MSRA: variants seen among roughly 807,000 people sequenced by gnomAD.
MSRA encodes the protein methionine sulfoxide reductase A, also known as mitochondrial peptide methionine sulfoxide reductase.
MSRA carries 54 observed loss-of-function variants against 31.3 expected under a neutral mutation model. The observed-to-expected ratio is 1.73, with a 90% CI of 1.39 to 2.17. MSRA has a LOEUF of 2.17. MSRA is among the 30% of genes most tolerant of loss of function. The pLI is 0.00. For missense variants in MSRA, 507 were observed against 300.9 expected (o/e 1.69, Z -5.07); for synonymous variants, 169 against 116.5 (o/e 1.45, Z -2.90).
intron 1 of MSRA, among the ~76,000 whole-genome samples, chr8:10,055,098 G>C (rs1802265385): frequency 6.6e-6 from 1 of 152,168 alleles, no homozygotes; most frequent in Non-Finnish European, 1.5e-5. Flanking sequence ...GTGTTGTCCC[G>C]GGAAATGCCG....
chr8:10,277,375 C>T (rs147688660), intron 3 of MSRA, among the ~76,000 whole-genome samples: 9 of 152,284 alleles, frequency 5.9e-5, no homozygotes, highest in African/African-American at 1.4e-4. Flanking sequence ...CTCACCAAAG[C>T]GCTGTGTTTT....
At chr8:10,367,048 A>G (rs1412239434) in intron 5 of MSRA, among the ~76,000 whole-genome samples, 1 of 152,216 alleles carries the variant, frequency 6.6e-6, no homozygotes, top group Admixed American at 6.5e-5. Context: ...GGAAAATTCC[A>G]GAAATAAACA....
chr8:10,160,967 C>T (rs558374508), intron 1 of MSRA, among the ~76,000 whole-genome samples: 7 of 152,300 alleles, frequency 4.6e-5, no homozygotes, highest in African/African-American at 1.7e-4. Flanking sequence ...ATTGCTAATT[C>T]TTTGTAATTA....
At chr8:10,088,481 T>G (rs1381191286) in intron 1 of MSRA, among the ~76,000 whole-genome samples, 3 of 152,062 alleles carry the variant, frequency 2.0e-5, no homozygotes, top group African/African-American at 4.8e-5. Context: ...ACACCTGTAA[T>G]CCCAGCACTT....
intron 1 of MSRA, among the ~76,000 whole-genome samples, chr8:10,113,083 C>T (rs1669763286): frequency 6.6e-6 from 1 of 152,066 alleles, no homozygotes; most frequent in South Asian, 2.1e-4. Flanking sequence ...GAGCGTAGGG[C>T]TTGTCAGTCT....
At chr8:10,233,011 T>C (rs1811624414) in intron 2 of MSRA, among the ~76,000 whole-genome samples, 1 of 152,024 alleles carries the variant, frequency 6.6e-6, no homozygotes, top group Non-Finnish European at 1.5e-5. Context: ...CTAGGGGAGG[T>C]GGTGGTGGTG....
intron 2 of MSRA, among the ~76,000 whole-genome samples, chr8:10,210,737 AT>A (rs11343981): frequency 0.083 from 11,729 of 141,834 alleles, 561 homozygotes; most frequent in African/African-American, 0.16. Flanking sequence ...TTATAATGTC[AT>A]TTTTTTTTTT....
At chr8:10,063,144 A>G (rs1198805378) in intron 1 of MSRA, among the ~76,000 whole-genome samples, 1 of 151,478 alleles carries the variant, frequency 6.6e-6, no homozygotes, top group Admixed American at 6.6e-5. Context: ...TAATTTCCCA[A>G]CCTCTCTCAG....
At chr8:10,410,961 T>TC (rs1324458285) in intron 5 of MSRA, 2 of 152,052 alleles carry the variant, frequency 1.3e-5, no homozygotes, top group South Asian at 4.2e-4. Context: ...TGAATTCTCC[T>TC]CCCCCACACC....
At chr8:10,077,444 C>T (rs1798047904) in intron 1 of MSRA, among the ~76,000 whole-genome samples, 2 of 144,398 alleles carry the variant, frequency 1.4e-5, no homozygotes, top group Non-Finnish European at 3.0e-5. Flanking sequence ...TACTGTTTGT[C>T]ATTTTATACA....
At chr8:10,056,508 T>C (rs1802381295) in intron 1 of MSRA, among the ~76,000 whole-genome samples, 1 of 148,502 alleles carries the variant, frequency 6.7e-6, no homozygotes, top group Non-Finnish European at 1.5e-5. Flanking sequence ...CACATCTCTG[T>C]ATCTGGGCCA....
chr8:10,397,933 T>A (rs893666057), intron 5 of MSRA, among the ~76,000 whole-genome samples: 1 of 152,184 alleles, frequency 6.6e-6, no homozygotes, highest in African/African-American at 2.4e-5. Context: ...AGGCCCCTCT[T>A]CCCTCTCTTG....
chr8:10,369,074 G>A (rs922735601), intron 5 of MSRA, among the ~76,000 whole-genome samples: 1 of 152,180 alleles, frequency 6.6e-6, no homozygotes, highest in African/African-American at 2.4e-5. Flanking sequence ...GATTCACAAT[G>A]AGTTCGAGAT....
At chr8:10,116,755 G>T (rs1433464019) in intron 1 of MSRA, among the ~76,000 whole-genome samples, 1 of 152,100 alleles carries the variant, frequency 6.6e-6, no homozygotes, top group Non-Finnish European at 1.5e-5. Context: ...ATCACCTGAG[G>T]TTGGGAGTGT....
intron 5 of MSRA, among the ~76,000 whole-genome samples, chr8:10,320,595 T>C (rs188879925): frequency 1.3e-5 from 2 of 152,366 alleles, no homozygotes; most frequent in East Asian, 3.9e-4. Context: ...TGAAACTCTC[T>C]CTTTTTTTCT....
chr8:10,301,231 C>T (rs1800826895), intron 3 of MSRA, among the ~76,000 whole-genome samples: 1 of 152,172 alleles, frequency 6.6e-6, no homozygotes, highest in South Asian at 2.1e-4. Flanking sequence ...CATAAGGTTT[C>T]CTGAGTGAGC....
chr8:10,378,377 G>C (rs1563411957), intron 5 of MSRA, among the ~76,000 whole-genome samples: 1 of 152,182 alleles, frequency 6.6e-6, no homozygotes, highest in Non-Finnish European at 1.5e-5. Flanking sequence ...GAGCCCTGCA[G>C]TCTGGCCCCA....
chr8:10,258,269 A>G (rs1268923832), intron 3 of MSRA, among the ~76,000 whole-genome samples: 1 of 152,200 alleles, frequency 6.6e-6, no homozygotes, highest in African/African-American at 2.4e-5. Context: ...CAAAGAGAAC[A>G]AGAAAGTACA....
intron 5 of MSRA, among the ~76,000 whole-genome samples, chr8:10,401,052 G>A (rs1317737515): frequency 1.3e-5 from 2 of 151,502 alleles, no homozygotes; most frequent in African/African-American, 4.9e-5. Flanking sequence ...AAAGAAATTG[G>A]ATTTCATCAA....
Sources: gnomAD v4.1 joint callset for allele counts (sites outside exome capture counted in the v4.1 genomes callset) on GRCh38, gnomAD v4.1.1 for gene constraint, MANE v1.5 for transcripts, NCBI Gene and HGNC (gene_info 2026-07-23, HGNC 2026-07-21) for gene names.